Variants in NFIA observed in about 807,000 individuals in gnomAD.
The protein encoded by NFIA is nuclear factor I A.
Under a neutral mutation model 62.8 loss-of-function variants are expected in NFIA, and 8 were observed. The observed-to-expected ratio is 0.13, with a 90% CI of 0.07 to 0.23. NFIA has a LOEUF of 0.23. Ranked by LOEUF, NFIA falls within the 10% of genes least tolerant of loss-of-function variation. The pLI, the probability that NFIA is intolerant of heterozygous loss-of-function variation, is 1.00. For synonymous variants in NFIA, 235 were observed against 238.1 expected (o/e 0.99, Z 0.12); for missense variants, 410 against 642.1 (o/e 0.64, Z 3.91).
In NFIA at chr1:61,350,674, C is replaced by T. The variant is rs554582792; in HGVS notation, c.701-1776C>T. Among the ~76,000 whole-genome samples the T allele has an allele frequency of 3.6e-3, 554 of 152,300 alleles. 3 individuals are homozygous for T. The highest frequency in any genetic ancestry group is 0.013 in the African/African-American group (520 of 41,564). On this transcript the variant is annotated intron_variant, in intron 4 of 10. Transcript: ENST00000403491. The stretch of plus-strand genomic sequence containing the variant: ...AGAAAGAAAAACCTGCCAGATCCTT[C>T]ATAACCTCACCTTAACCATCCTTCC...
intron 4 of NFIA, 74 bp downstream of exon 4, chr1:61,332,660 A>G: frequency 7.9e-7 from 1 of 1,271,788 alleles, no homozygotes; most frequent in Non-Finnish European, 1.1e-6. Context: ...GGACTCCTAG[A>G]GACCAAAAAA....
intron 2 of NFIA, among the ~76,000 whole-genome samples, chr1:61,171,635 C>G (rs1040480300): frequency 1.1e-4 from 16 of 152,088 alleles, no homozygotes; most frequent in African/African-American, 3.4e-4. Context: ...AGAAAATGGC[C>G]TGCTGATCTA....
intron 2 of NFIA, among the ~76,000 whole-genome samples, chr1:61,108,426 G>A (rs1646640980): frequency 6.6e-6 from 1 of 151,564 alleles, no homozygotes; most frequent in African/African-American, 2.4e-5. Context: ...GTTACTTTGT[G>A]TATAGTGATC....
intron 10 of NFIA, among the ~76,000 whole-genome samples, chr1:61,427,451 G>A (rs757309552): frequency 7.9e-5 from 12 of 152,072 alleles, no homozygotes; most frequent in East Asian, 1.9e-4. Flanking sequence ...GGTTCTTAGC[G>A]CGGTGTTTGA....
intron 3 of NFIA, among the ~76,000 whole-genome samples, chr1:61,300,731 A>C (rs1659453145): frequency 6.6e-6 from 1 of 151,896 alleles, no homozygotes; most frequent in Admixed American, 6.6e-5. Context: ...ATACACACAC[A>C]CCCATATGTA....
At chr1:61,395,100 C>T (rs896391559) in intron 7 of NFIA, among the ~76,000 whole-genome samples, 1 of 151,902 alleles carries the variant, frequency 6.6e-6, no homozygotes, top group African/African-American at 2.4e-5. Flanking sequence ...GAGCAAAACC[C>T]TGTCTCAGAG....
rs181117820 is a variant in NFIA, at chr1:61,309,499, A to T, written c.626-23013A>T. ...GAGAAAAACAACAACAACAAAAAAA[A>T]AAACACAAAATTCACACAAAGGCTT... On this transcript the variant is annotated intron_variant, in intron 3 of 10. Coordinates refer to ENST00000403491, the MANE Select transcript of NFIA (RefSeq NM_001134673.4). Among the ~76,000 whole-genome samples, 285 of 151,990 alleles carry T rather than the reference A, an allele frequency of 1.9e-3. 3 individuals are homozygous for T. The highest frequency in any genetic ancestry group is 2.9e-4 in the Non-Finnish European group (20 of 67,948).
intron 2 of NFIA, among the ~76,000 whole-genome samples, chr1:61,158,135 G>A (rs1416662827): frequency 1.3e-5 from 2 of 152,268 alleles, no homozygotes; most frequent in Non-Finnish European, 2.9e-5. Flanking sequence ...AGCAAATGGA[G>A]GCAATTGGCT....
chr1:61,283,607 A>G (rs898820754), intron 3 of NFIA, among the ~76,000 whole-genome samples: 1 of 148,570 alleles, frequency 6.7e-6, no homozygotes, highest in Non-Finnish European at 1.5e-5. Flanking sequence ...AAAAAAAAAA[A>G]AGATTTATGT....
chr1:61,227,509 G>A (rs1281157967), intron 2 of NFIA, among the ~76,000 whole-genome samples: 1 of 152,136 alleles, frequency 6.6e-6, no homozygotes, highest in African/African-American at 2.4e-5. Context: ...TCATCAGGGC[G>A]TAAAAATTAT....
At chr1:61,125,773 C>T (rs898148117) in intron 2 of NFIA, among the ~76,000 whole-genome samples, 1 of 152,148 alleles carries the variant, frequency 6.6e-6, no homozygotes, top group Non-Finnish European at 1.5e-5. Flanking sequence ...TTGTTTTCTA[C>T]TTTGTACACA....
chr1:61,224,097 A>G (rs1654178695), intron 2 of NFIA, among the ~76,000 whole-genome samples: 1 of 152,096 alleles, frequency 6.6e-6, no homozygotes, highest in Admixed American at 6.6e-5. Context: ...TCAGTTAGAC[A>G]CTGTGTTTAA....
At chr1:61,240,325 A>G (rs777200817) in intron 2 of NFIA, among the ~76,000 whole-genome samples, 4 of 152,084 alleles carry the variant, frequency 2.6e-5, no homozygotes, top group Non-Finnish European at 4.4e-5. Flanking sequence ...TCAGGTATCC[A>G]TCATGCCCCC....
chr1:61,441,550 C>T (rs1039856343), intron 10 of NFIA, among the ~76,000 whole-genome samples: 1 of 152,082 alleles, frequency 6.6e-6, no homozygotes, highest in African/African-American at 2.4e-5. Context: ...GTAATTTTGA[C>T]TAATTTCTGT....
chr1:61,177,995 A>G (rs541626927), intron 2 of NFIA, among the ~76,000 whole-genome samples: 21 of 152,284 alleles, frequency 1.4e-4, no homozygotes, highest in South Asian at 1.0e-3. Flanking sequence ...GAGCGCATGA[A>G]TTGGTATATG....
intron 2 of NFIA, among the ~76,000 whole-genome samples, chr1:61,223,304 C>T (rs1441313680): frequency 6.6e-6 from 1 of 151,906 alleles, no homozygotes; most frequent in Non-Finnish European, 1.5e-5. Context: ...TAAAATAGAG[C>T]AAATGTTTAC....
chr1:61,127,926 C>G (rs1647004228), intron 2 of NFIA, among the ~76,000 whole-genome samples: 1 of 152,028 alleles, frequency 6.6e-6, no homozygotes, highest in African/African-American at 2.4e-5. Context: ...AGAACTTATC[C>G]ATTGTATAAA....
intron 7 of NFIA, among the ~76,000 whole-genome samples, chr1:61,389,602 A>G (rs1483222875): frequency 6.6e-6 from 1 of 152,144 alleles, no homozygotes; most frequent in Non-Finnish European, 1.5e-5. Context: ...AGTAGTTTCT[A>G]CCTTTTTCTC....
At position 61,393,244 on chromosome 1, in the gene NFIA, CCTCTCTCTCTCTCT is replaced by C. The variant is rs766730638; in HGVS notation, c.1075+9913_1075+9926del. ...ATGGTTTCTTCTGCCTCGCCCTCTC[CCTCTCTCTCTCTCT>C]CTCTCTCTCTCTCTCTCTCTCTCTC... On this transcript the variant is annotated intron_variant, in intron 7 of 10. Coordinates refer to ENST00000403491, the MANE Select transcript of NFIA (RefSeq NM_001134673.4). Among the ~76,000 whole-genome samples, 137 of 29,122 alleles carry C rather than the reference CCTCTCTCTCTCTCT, an allele frequency of 4.7e-3. 6 individuals are homozygous for C. The highest frequency in any genetic ancestry group is 0.023 in the Middle Eastern group (1 of 44). 19.1% of individuals were successfully genotyped at this position (29,122 alleles called of 152,430 possible). A position where few individuals can be genotyped will look rare whatever the true frequency, so the allele number is the denominator to read the frequency against.
Sources: allele counts gnomAD v4.1 joint callset (sites outside exome capture counted in the v4.1 genomes callset), GRCh38; gene constraint gnomAD v4.1.1; transcripts MANE v1.5; gene names NCBI Gene and HGNC (gene_info 2026-07-23, HGNC 2026-07-21).